Variants in DCAF6 observed in about 807,000 individuals in gnomAD.
DCAF6 encodes DDB1 and CUL4 associated factor 6, also known as DDB1- and CUL4-associated factor 6.
Under a neutral mutation model 125.1 loss-of-function variants are expected in DCAF6, and 54 were observed. The ratio of observed to expected loss-of-function variants is 0.43; its 90% CI spans 0.35 to 0.54. DCAF6 has a LOEUF of 0.54. DCAF6 is among the 20% of genes least tolerant of loss of function. The probability of loss-of-function intolerance (pLI) is 0.01; values close to 1 mark genes in which losing one functional copy is unlikely to be tolerated. For synonymous variants in DCAF6, 371 were observed against 390.4 expected (o/e 0.95, Z 0.58); for missense variants, 934 against 1,161.7 (o/e 0.80, Z 2.85).
rs374618997 is a variant in DCAF6 at position 168,067,119 on chromosome 1, C to T, written c.2685+654C>T. On this transcript the variant is annotated intron_variant, in intron 20 of 21. Coordinates refer to ENST00000367840, the MANE Select transcript of DCAF6 (RefSeq NM_001198956.2). ...GTTTTTATTTGTGGGTTCTCATATA[C>T]TATTTCTTATGAAAATGAGAATCCA... Among the ~76,000 whole-genome samples, 86 of 152,230 alleles carry T rather than the reference C, an allele frequency of 5.6e-4. 1 individual carries two copies. Among genetic ancestry groups the T allele is most frequent in the African/African-American group, 2.0e-3 (83 of 41,528 alleles).
At position 168,056,214 on chromosome 1, in the gene DCAF6, C is replaced by G. The variant is rs1690754031; in HGVS notation, c.2300+5281C>G. 3.7e-6 allele frequency: 6 copies of G among 1,612,464 alleles called. No individual in the cohort carries two copies. In the South Asian group the frequency reaches 5.5e-5, roughly 15 times the overall value. ...CGCTTCCTGTGCAAAATTGCTGATTCCCACTGTTCCAATGCCATTTTCTGT... is the reference window on the plus strand; with the variant it reads ...CGCTTCCTGTGCAAAATTGCTGATTGCCACTGTTCCAATGCCATTTTCTGT... On this transcript the variant is annotated intron_variant, in intron 17 of 21. Coordinates refer to ENST00000367840, the MANE Select transcript of DCAF6 (RefSeq NM_001198956.2).
chr1:167,872,167 C>T, the DCAF6 span, among the ~76,000 whole-genome samples: 22 of 152,112 alleles, frequency 1.4e-4, no homozygotes, highest in Admixed American at 3.9e-4. Flanking sequence ...GGAGAAACCC[C>T]GTCTCTATTA....
At chr1:168,007,127 G>A (rs10918809) in intron 10 of DCAF6, among the ~76,000 whole-genome samples, 21,060 of 152,044 alleles carry the variant, frequency 0.14, 1,934 homozygotes, top group African/African-American at 0.26. Flanking sequence ...AAAAGTACTC[G>A]TTTTCCTACT....
At chr1:167,939,569 C>G (rs1294714700) in intron 1 of DCAF6, among the ~76,000 whole-genome samples, 2 of 152,182 alleles carry the variant, frequency 1.3e-5, no homozygotes, top group African/African-American at 4.8e-5. Context: ...TGAGACCGGC[C>G]TGGCCAACAT....
chr1:167,883,285 A>C, the DCAF6 span: 1 of 814,522 alleles, frequency 1.2e-6, no homozygotes, highest in East Asian at 2.6e-5. Flanking sequence ...TGATCCGCCC[A>C]CCTCTGCCTC....
At chr1:167,876,416 T>A in the DCAF6 span, among the ~76,000 whole-genome samples, 1 of 152,176 alleles carries the variant, frequency 6.6e-6, no homozygotes, top group Non-Finnish European at 1.5e-5. Flanking sequence ...GCTCACTCCA[T>A]AACACTATCT....
At chr1:167,973,201 A>G (rs1677607956) in intron 3 of DCAF6, among the ~76,000 whole-genome samples, 1 of 152,172 alleles carries the variant, frequency 6.6e-6, no homozygotes, top group Non-Finnish European at 1.5e-5. Flanking sequence ...CAGGCTAGTT[A>G]TTTTACAGAA....
chr1:167,923,584 C>T, the DCAF6 span, among the ~76,000 whole-genome samples: 3 of 151,624 alleles, frequency 2.0e-5, no homozygotes, highest in Non-Finnish European at 4.4e-5. Context: ...CTTGCTTTTA[C>T]AAGATAAAAA....
chr1:168,027,202 T>TGG (rs1557996715), intron 12 of DCAF6, among the ~76,000 whole-genome samples: 1 of 152,068 alleles, frequency 6.6e-6, no homozygotes, highest in South Asian at 2.1e-4. Flanking sequence ...GAGAAAGGTT[T>TGG]GGGGGAAAAA....
chr1:168,031,246 AAAATT>A (rs1333446501), intron 12 of DCAF6, among the ~76,000 whole-genome samples: 1 of 152,358 alleles, frequency 6.6e-6, no homozygotes, highest in East Asian at 1.9e-4. Flanking sequence ...GAAAAATTCT[AAAATT>A]AAAAGATTTT....
At chr1:168,022,857 G>T in intron 11 of DCAF6, 131 bp from the exon 12 acceptor site, 2 of 784,408 alleles carry the variant, frequency 2.5e-6, no homozygotes, top group Non-Finnish European at 2.2e-6. Context: ...CACTGCTTGG[G>T]AATCACACCA....
intron 16 of DCAF6, among the ~76,000 whole-genome samples, chr1:168,050,491 GGCC>G (rs1322759342): frequency 6.6e-6 from 1 of 152,132 alleles, no homozygotes; most frequent in Non-Finnish European, 1.5e-5. Context: ...CTTGTGGTTA[GGCC>G]AAGTGAATTA....
chr1:168,073,202 A>G (rs776298525), intron 21 of DCAF6, among the ~76,000 whole-genome samples: 1 of 151,928 alleles, frequency 6.6e-6, no homozygotes, highest in African/African-American at 2.4e-5. Context: ...AAAGAAAAAC[A>G]GTATACATAG....
the DCAF6 span, among the ~76,000 whole-genome samples, chr1:167,910,083 A>C: frequency 6.6e-6 from 1 of 152,286 alleles, no homozygotes; most frequent in East Asian, 1.9e-4. Context: ...TGGGGACCTC[A>C]GTTCTTGAGA....
At position 168,058,724 on chromosome 1, in the gene DCAF6, A is replaced by G. The variant is rs145727131; in HGVS notation, c.2301-4897A>G. Among the ~76,000 whole-genome samples, 1,458 of 152,228 alleles carry G rather than the reference A, an allele frequency of 9.6e-3. 19 individuals are homozygous for G. The highest frequency in any genetic ancestry group is 0.033 in the African/African-American group (1,374 of 41,546). On this transcript the variant is annotated intron_variant, in intron 17 of 21. Transcript: ENST00000367840. ...GCTGGGATTACAGGTGCATGCCACC[A>G]CACCCGGCTAATTTTTGTATTTGTA...
upstream of DCAF6, chr1:167,936,034 G>A (rs1442490079): frequency 1.7e-5 from 10 of 601,158 alleles, no homozygotes; most frequent in Admixed American, 3.0e-5. Flanking sequence ...CGAAGGTTGA[G>A]GGGGCGGAGG....
At position 167,993,432 on chromosome 1, in the gene DCAF6, A is replaced by C. The variant is rs756447466; in HGVS notation, c.895A>C (p.Arg299=). ...ELKTPSAEER[R]EELRQPPVKR... The stretch of plus-strand genomic sequence containing the variant: ...TAAAACTCCTTCTGCGGAAGAGAGA[A>C]GAGAAGAGGTAGGTTTACTCAAAAC... The change falls in exon 7 of 22, where the codon AGA becomes CGA. Residue 299 remains arginine (R), a synonymous_variant. Coordinates refer to ENST00000367840, the MANE Select transcript of DCAF6 (RefSeq NM_001198956.2). The C allele has an allele frequency of 1.9e-6, 3 of 1,613,760 alleles. No homozygotes were observed. In the South Asian group the frequency reaches 3.3e-5, roughly 18 times the overall value.
the DCAF6 span, chr1:167,896,517 A>G: frequency 4.3e-6 from 5 of 1,161,410 alleles, no homozygotes; most frequent in African/African-American, 7.6e-5. Context: ...CCCACCAGTA[A>G]TGAAGCTGTC....
intron 12 of DCAF6, among the ~76,000 whole-genome samples, chr1:168,036,704 A>G (rs912027860): frequency 6.6e-6 from 1 of 151,742 alleles, no homozygotes; most frequent in Admixed American, 6.5e-5. Flanking sequence ...TCTGTAAGCT[A>G]AAGGTCTATT....
Sources: allele counts gnomAD v4.1 joint callset (sites outside exome capture counted in the v4.1 genomes callset), GRCh38; gene constraint gnomAD v4.1.1; transcripts MANE v1.5; gene names NCBI Gene and HGNC (gene_info 2026-07-23, HGNC 2026-07-21).